CFAP54: variants seen among roughly 807,000 people sequenced by gnomAD.
The protein encoded by CFAP54 is cilia and flagella associated protein 54.
In CFAP54, 290 loss-of-function variants were observed where a neutral mutation model predicts 370.4. The ratio of observed to expected loss-of-function variants is 0.78; its 90% confidence interval spans 0.71 to 0.86. The LOEUF is 0.86. Ranked by LOEUF, CFAP54 falls within the 40% of genes least tolerant of loss-of-function variation. The probability of loss-of-function intolerance (pLI) is 0.00; values close to 1 mark genes in which losing one functional copy is unlikely to be tolerated. For missense variants in CFAP54, 3,399 were observed against 3,528.7 expected (o/e 0.96, Z 0.93); for synonymous variants, 1,206 against 1,236.5 (o/e 0.98, Z 0.52).
rs1414517527 is a variant in CFAP54, at chr12:96,630,568, A to G, written c.4233A>G (p.Gln1411=). Residue 1411 remains glutamine, a synonymous_variant, in exon 32 of 68, where the codon CAA becomes CAG. Transcript: ENST00000524981. ...CTATTAAGAGTGCAGAAATGCAACA[A>G]AGAATAAGAAGTAAAAAAAAGGAAA... ...MEIGRSAEMQ[Q]RIRSKKKETL... is the part of the protein sequence containing the mutation. 6.1e-6 allele frequency: 9 copies of G among 1,472,686 alleles called. No individual in the cohort carries two copies. Among genetic ancestry groups the G allele is most frequent in the Admixed American group, 2.5e-5 (1 of 40,484 alleles). 91.2% of individuals were successfully genotyped at this position (1,472,686 alleles called of 1,614,324 possible).
intron 65 of CFAP54, among the ~76,000 whole-genome samples, chr12:96,826,102 A>G (rs908301807): frequency 8.9e-5 from 13 of 146,040 alleles, no homozygotes; most frequent in Non-Finnish European, 1.6e-4. Flanking sequence ...TGATAAAATT[A>G]CACTAATTTT....
rs143542111 is a variant in CFAP54 at position 96,564,454 on chromosome 12, G to A, written c.2411-14G>A. The A allele has an allele frequency of 9.1e-4, 623 of 687,520 alleles. 8 individuals carry two copies. The East Asian group carries it at 0.014, about 15-fold the overall frequency. 42.6% of individuals were successfully genotyped at this position (687,520 alleles called of 1,614,324 possible). A position where few individuals can be genotyped will look rare whatever the true frequency, so the allele number is the denominator to read the frequency against. ...TACATACTTAATTGTTATGACAGTC[G>A]TCTTCTTCTTCAGTTTTGCAGACTC... On this transcript the variant is annotated splice_polypyrimidine_tract_variant and intron_variant, in intron 17 of 67. Transcript: ENST00000524981.
chr12:96,826,306 A>ATATATATAGTC (rs1959101263), intron 65 of CFAP54, among the ~76,000 whole-genome samples: 1 of 133,522 alleles, frequency 7.5e-6, no homozygotes, highest in African/African-American at 2.8e-5. Flanking sequence ...TATATATAGA[A>ATATATATAGTC]GACAATATAT....
chr12:96,686,457 G>A (rs530817166), intron 42 of CFAP54, among the ~76,000 whole-genome samples: 1 of 152,226 alleles, frequency 6.6e-6, no homozygotes, highest in East Asian at 1.9e-4. Context: ...TTGGTTCGTG[G>A]TTCTGCAGGC....
chr12:96,772,074 T>C (rs1233057886), intron 60 of CFAP54, among the ~76,000 whole-genome samples: 3 of 152,246 alleles, frequency 2.0e-5, no homozygotes, highest in Non-Finnish European at 4.4e-5. Flanking sequence ...GGAGTGTTTT[T>C]TTCTTTTAGT....
Position 96,799,742 on chromosome 12 carries a change from G to T in CFAP54, c.8850+7243G>T, listed in dbSNP as rs190594616. Among the ~76,000 whole-genome samples, 391 of 152,220 alleles carry T rather than the reference G, an allele frequency of 2.6e-3. 1 individual carries two copies. The highest frequency in any genetic ancestry group is 4.6e-3 in the Non-Finnish European group (313 of 68,012). On this transcript the variant is annotated intron_variant, in intron 63 of 67. Coordinates refer to ENST00000524981, the MANE Select transcript of CFAP54 (RefSeq NM_001306084.2). ...TATTCCATATACATTTAAAAATAAT[G>T]AATTTGTAGTCTCTTTTAGGGGAAT...
intron 66 of CFAP54, among the ~76,000 whole-genome samples, chr12:96,856,569 C>G (rs1033584753): frequency 2.6e-5 from 4 of 152,296 alleles, no homozygotes; most frequent in East Asian, 1.9e-4. Flanking sequence ...CACCTTTGCT[C>G]CAGTTCCCAA....
At chr12:96,871,628 T>C (rs879919051) in intron 67 of CFAP54, among the ~76,000 whole-genome samples, 2 of 152,078 alleles carry the variant, frequency 1.3e-5, no homozygotes, top group African/African-American at 2.4e-5. Context: ...AAAATAACTA[T>C]AATATACATG....
chr12:96,782,207 A>G (rs908325223), intron 60 of CFAP54, among the ~76,000 whole-genome samples: 11 of 152,246 alleles, frequency 7.2e-5, no homozygotes, highest in African/African-American at 2.6e-4. Context: ...GTGGGAAAAC[A>G]TGCCTACTGT....
chr12:96,744,226 G>T, intron 55 of CFAP54, 80 bp downstream of exon 55: 1 of 1,271,840 alleles, frequency 7.9e-7, no homozygotes, highest in South Asian at 1.5e-5. Context: ...TATCATATGA[G>T]TGCATTTAAA....
chr12:96,649,592 C>T, intron 34 of CFAP54, among the ~76,000 whole-genome samples: 1 of 152,116 alleles, frequency 6.6e-6, no homozygotes, highest in East Asian at 1.9e-4. Context: ...TTCTATTTTT[C>T]CTTTCAAAAA....
At chr12:96,651,253 C>T (rs575672530) in intron 35 of CFAP54, among the ~76,000 whole-genome samples, 125 of 152,258 alleles carry the variant, frequency 8.2e-4, no homozygotes, top group African/African-American at 2.7e-3. Flanking sequence ...CCGAAATGAA[C>T]GTAAGCAGCA....
intron 1 of CFAP54, among the ~76,000 whole-genome samples, chr12:96,498,739 A>G (rs1354222678): frequency 1.3e-5 from 2 of 152,208 alleles, no homozygotes; most frequent in African/African-American, 4.8e-5. Context: ...TTGAATATAC[A>G]TTACCAAGGC....
At chr12:96,671,821 C>T (rs1957149622) in intron 39 of CFAP54, among the ~76,000 whole-genome samples, 1 of 152,058 alleles carries the variant, frequency 6.6e-6, no homozygotes, top group Non-Finnish European at 1.5e-5. Flanking sequence ...ACTCGGGAGG[C>T]TGAGGAAGGA....
At chr12:96,660,501 T>C (rs968575089) in intron 38 of CFAP54, among the ~76,000 whole-genome samples, 10 of 152,158 alleles carry the variant, frequency 6.6e-5, no homozygotes, top group African/African-American at 2.4e-4. Flanking sequence ...GAATTTTGTG[T>C]TGATATATCT....
At chr12:96,765,998 A>G (rs1321078632) in intron 60 of CFAP54, among the ~76,000 whole-genome samples, 1 of 152,212 alleles carries the variant, frequency 6.6e-6, no homozygotes, top group Admixed American at 6.5e-5. Context: ...TCTTACTTCC[A>G]GACTGACATT....
chr12:96,660,321 TC>T (rs1300050128), intron 38 of CFAP54, among the ~76,000 whole-genome samples: 1 of 152,214 alleles, frequency 6.6e-6, no homozygotes, highest in Non-Finnish European at 1.5e-5. Flanking sequence ...TGTTGCTTCT[TC>T]TTCTCCCCAG....
At chr12:96,587,459 T>C (rs1358036528) in intron 22 of CFAP54, among the ~76,000 whole-genome samples, 2 of 152,172 alleles carry the variant, frequency 1.3e-5, no homozygotes, top group Admixed American at 6.5e-5. Context: ...CATTAGTCTT[T>C]TAGTGCTTCT....
chr12:96,860,332 C>T (rs990117461), intron 66 of CFAP54, among the ~76,000 whole-genome samples: 2 of 152,014 alleles, frequency 1.3e-5, no homozygotes, highest in Non-Finnish European at 2.9e-5. Flanking sequence ...CCACAAAAGC[C>T]GTCTTTATTT....
Sources: gnomAD v4.1 joint callset for allele counts (sites outside exome capture counted in the v4.1 genomes callset) on GRCh38, gnomAD v4.1.1 for gene constraint, MANE v1.5 for transcripts, NCBI Gene and HGNC (gene_info 2026-07-23, HGNC 2026-07-21) for gene names.